The following MGA variants were observed in gnomAD, a reference collection of about 807,000 sequenced individuals.
The protein encoded by MGA is MAX gene-associated protein.
A neutral mutation model predicts 261.1 loss-of-function variants in MGA; 40 were observed. The ratio of observed to expected loss-of-function variants is 0.15; its 90% CI spans 0.12 to 0.20. MGA has a LOEUF of 0.20. Among genes scored for constraint, MGA ranks in the 10% least tolerant of loss-of-function variants. MGA has a pLI of 1.00. For missense variants in MGA, 3,397 were observed against 3,630.5 expected (o/e 0.94, Z 1.65); for synonymous variants, 1,302 against 1,290.6 (o/e 1.01, Z -0.19).
chr15:41,734,483 TGTTAA>T, intron 11 of MGA, 34 bp from the exon 12 acceptor site: 3 of 1,492,452 alleles, frequency 2.0e-6, no homozygotes, highest in Non-Finnish European at 1.8e-6. Context: ...ATTGAATATA[TGTTAA>T]GTTAAAGTAT....
intron 1 of MGA, among the ~76,000 whole-genome samples, chr15:41,646,847 GTA>G (rs2056944721): frequency 6.6e-6 from 1 of 152,094 alleles, no homozygotes; most frequent in South Asian, 2.1e-4. Flanking sequence ...AATTATTTCT[GTA>G]ACCTGTATGT....
upstream of MGA, among the ~76,000 whole-genome samples, chr15:41,656,988 G>C (rs2057216959): frequency 6.6e-6 from 1 of 151,962 alleles, no homozygotes; most frequent in South Asian, 2.1e-4. Flanking sequence ...GTCCAGGCTG[G>C]TTTTGAACTC....
chr15:41,626,254 G>T (rs1356784338), intron 1 of MGA, among the ~76,000 whole-genome samples: 2 of 151,128 alleles, frequency 1.3e-5, no homozygotes, highest in Non-Finnish European at 2.9e-5. Flanking sequence ...TAGGATTTTG[G>T]ATGAATTGGA....
intron 1 of MGA, among the ~76,000 whole-genome samples, chr15:41,663,172 A>G (rs553155255): frequency 6.6e-6 from 1 of 152,238 alleles, no homozygotes; most frequent in African/African-American, 2.4e-5. Context: ...TTGTTAGATT[A>G]CTTACCTAAA....
chr15:41,671,681 TC>T (rs1275723072), intron 2 of MGA, among the ~76,000 whole-genome samples: 4 of 152,126 alleles, frequency 2.6e-5, no homozygotes, highest in African/African-American at 9.7e-5. Context: ...AGTAAAGAAA[TC>T]CCTGCACACA....
intron 11 of MGA, among the ~76,000 whole-genome samples, chr15:41,733,556 G>A (rs747289034): frequency 6.6e-6 from 1 of 152,044 alleles, no homozygotes; most frequent in African/African-American, 2.4e-5. Context: ...GTGACTCCCC[G>A]GAAAACCACT....
At chr15:41,739,813 A>G in intron 13 of MGA, 93 bp from the exon 14 acceptor site, 1 of 1,267,574 alleles carries the variant, frequency 7.9e-7, no homozygotes, top group Non-Finnish European at 1.1e-6. Flanking sequence ...AAATAGACTT[A>G]TGAAAACTTG....
At position 41,711,118 on chromosome 15, in the gene MGA, G is replaced by A. The variant is rs61736063; in HGVS notation, c.2853G>A (p.Ala951=). Residue 951 remains alanine (A), a synonymous_variant, in exon 8 of 24, where the codon GCG becomes GCA. Coordinates refer to ENST00000219905, the MANE Select transcript of MGA (RefSeq NM_001164273.2). Reference sequence around the variant, plus strand: ...CAGGCATCATCTCAGAAAATCAGGCGAATAACTTTGTTGTGCCAACTTTGG... The same window carrying A: ...CAGGCATCATCTCAGAAAATCAGGCAAATAACTTTGTTGTGCCAACTTTGG... 87,992 of 1,613,954 alleles carry A rather than the reference G, an allele frequency of 0.055. 2,762 individuals carry two copies. Among genetic ancestry groups the A allele is most frequent in the Non-Finnish European group, 0.064 (75,419 of 1,179,878 alleles).
At chr15:41,715,137 C>CTTTTTTTTTTTTTTTTTTTTTTTTT (rs766195852) in intron 9 of MGA, among the ~76,000 whole-genome samples, 1 of 124,552 alleles carries the variant, frequency 8.0e-6, no homozygotes, top group Non-Finnish European at 1.6e-5. Flanking sequence ...TGGTTTCTGT[C>CTTTTTTTTTTTTTTTTTTTTTTTTT]TTTTTTTTTT....
At chr15:41,760,928 G>T (rs1256083033) in intron 20 of MGA, among the ~76,000 whole-genome samples, 11 of 152,134 alleles carry the variant, frequency 7.2e-5, no homozygotes, top group Admixed American at 7.2e-4. Context: ...TAGATTAGTA[G>T]TAATTTTGTA....
chr15:41,671,389 T>C (rs1290478435), intron 2 of MGA, among the ~76,000 whole-genome samples: 1 of 152,098 alleles, frequency 6.6e-6, no homozygotes, highest in Non-Finnish European at 1.5e-5. Context: ...AGTGGTGTCA[T>C]CTCGGCTCAC....
Position 41,729,300 on chromosome 15 carries a change from A to G in MGA, c.3794A>G (p.Gln1265Arg). Reference sequence around the variant, plus strand: ...TCCTCCTCCCCATCTCCATCATTTCAGCAGCAAACTTCATGTCATTCTAGC... The same window carrying G: ...TCCTCCTCCCCATCTCCATCATTTCGGCAGCAAACTTCATGTCATTCTAGC... The change falls in exon 11 of 24, where the codon CAG becomes CGG. Residue 1265 changes from glutamine (Q) to arginine (R), a missense_variant. Physicochemically the swap from Gln to Arg is conservative, Grantham distance 43. Around this residue, in one of 9 missense-constraint regions of MGA, gnomAD observed 1,410 missense variants for 1,386.4 expected, o/e 1.02. Coordinates refer to ENST00000219905, the MANE Select transcript of MGA (RefSeq NM_001164273.2). 4 of 1,613,992 alleles carry G rather than the reference A, an allele frequency of 2.5e-6. No individual in the cohort carries two copies. The highest frequency in any genetic ancestry group is 3.4e-6 in the Non-Finnish European group (4 of 1,179,880).
intron 1 of MGA, among the ~76,000 whole-genome samples, chr15:41,649,706 GTC>G (rs2057003177): frequency 6.6e-6 from 1 of 152,126 alleles, no homozygotes; most frequent in South Asian, 2.1e-4. Flanking sequence ...TTGAGCTGGA[GTC>G]TCTCTCTGTC....
intron 2 of MGA, among the ~76,000 whole-genome samples, chr15:41,691,065 GA>G (rs1271983501): frequency 5.9e-5 from 6 of 102,358 alleles, no homozygotes; most frequent in Non-Finnish European, 5.8e-5. Context: ...GTCCCTTTCT[GA>G]AAAAAAAAAT....
At chr15:41,664,271 C>T (rs9646193) in intron 1 of MGA, among the ~76,000 whole-genome samples, 38,766 of 152,002 alleles carry the variant, frequency 0.26, 5,410 homozygotes, top group Middle Eastern at 0.43. Context: ...TATTTTGCTT[C>T]GGCAGAAAGA....
intron 5 of MGA, among the ~76,000 whole-genome samples, chr15:41,699,545 C>T (rs1319280898): frequency 2.0e-5 from 3 of 152,040 alleles, no homozygotes; most frequent in East Asian, 1.9e-4. Flanking sequence ...GTCGCCCAGG[C>T]GGCTGGAGTG....
chr15:41,727,925 T>G (rs1486938762), intron 10 of MGA, among the ~76,000 whole-genome samples: 1 of 152,230 alleles, frequency 6.6e-6, no homozygotes, highest in Non-Finnish European at 1.5e-5. Flanking sequence ...CAAATCCATG[T>G]GTCCTCCTAG....
rs1276392106 is a variant in MGA, at chr15:41,765,016, A to C, written c.7875A>C (p.Glu2625Asp). ...TAGCTGTTTCTCCTGATCTCTTAGA[A>C]TCTGATCTTAAGCCTCAAGTTGCCG... is the stretch of plus-strand genomic sequence containing the variant. Residue 2625 changes from glutamate to aspartate, a missense_variant, in exon 23 of 24, where the codon GAA becomes GAC. By Grantham distance (45) the Glu-to-Asp change is conservative. Around this residue, in one of 9 missense-constraint regions of MGA, gnomAD observed 647 missense variants for 642.4 expected, o/e 1.01. Coordinates refer to ENST00000219905, the MANE Select transcript of MGA (RefSeq NM_001164273.2). 5.0e-6 allele frequency: 8 copies of C among 1,613,886 alleles called. No individual in the cohort carries two copies. Among genetic ancestry groups the C allele is most frequent in the Non-Finnish European group, 6.8e-6 (8 of 1,179,896 alleles).
At chr15:41,698,193 C>T (rs1472066580) in intron 3 of MGA, among the ~76,000 whole-genome samples, 6 of 82,878 alleles carry the variant, frequency 7.2e-5, no homozygotes, top group East Asian at 4.2e-4. Flanking sequence ...TTTTTTGAGA[C>T]GGAATCTTGC....
Sources: gnomAD v4.1 joint callset for allele counts (sites outside exome capture counted in the v4.1 genomes callset) on GRCh38, gnomAD v4.1.1 for gene constraint, gnomAD v4.1.1 regional missense constraint, MANE v1.5 for transcripts, NCBI Gene and HGNC (gene_info 2026-07-23, HGNC 2026-07-21) for gene names.